KIAA1671: variants seen among roughly 807,000 people sequenced by gnomAD.
KIAA1671 encodes uncharacterized protein KIAA1671.
Under a neutral mutation model 131.2 loss-of-function variants are expected in KIAA1671, and 52 were observed. The observed-to-expected ratio is 0.40, with a 90% CI of 0.32 to 0.50. The LOEUF (loss-of-function observed/expected upper bound fraction) is 0.50, where lower values mean the gene tolerates loss of function less well. KIAA1671 is among the 20% of genes least tolerant of loss of function. The pLI, the probability that KIAA1671 is intolerant of heterozygous loss-of-function variation, is 0.73. For missense variants in KIAA1671, 2,360 were observed against 2,364.2 expected, an observed-to-expected ratio of 1.00 and a Z score of 0.04; for synonymous variants, 1,003 against 961.6, an observed-to-expected ratio of 1.04 and a Z score of -0.80.
In KIAA1671 at chr22:25,195,666, T is replaced by C. The variant is rs901709248; in HGVS notation, c.*3265T>C. The stretch of plus-strand genomic sequence containing the variant: ...GGATTTAGAAAGACCCTTAGCATGA[T>C]TTTCCTAAAAGAGACCTTAGCTGCT... On this transcript the variant is annotated 3_prime_UTR_variant, in exon 13 of 13. Transcript: ENST00000358431. 26 of 152,178 alleles carry C rather than the reference T, an allele frequency of 1.7e-4. No homozygotes were observed. Among genetic ancestry groups the C allele is most frequent in the African/African-American group, 6.0e-4 (25 of 41,442 alleles). 9.4% of individuals were successfully genotyped at this position (152,178 alleles called of 1,614,324 possible).
chr22:25,112,579 T>A (rs543607390), intron 6 of KIAA1671: 2 of 395,060 alleles, frequency 5.1e-6, no homozygotes, highest in East Asian at 7.2e-5. Context: ...TCCAGAATAG[T>A]TGTCAGTCAA....
At chr22:25,109,478 C>T (rs189228508) in intron 6 of KIAA1671, among the ~76,000 whole-genome samples, 2 of 152,240 alleles carry the variant, frequency 1.3e-5, no homozygotes, top group East Asian at 1.9e-4. Context: ...GCTAACCACA[C>T]GGACCAACCT....
At chr22:24,964,703 C>G (rs5760761) in intron 1 of KIAA1671, among the ~76,000 whole-genome samples, 66,340 of 152,024 alleles carry the variant, frequency 0.44, 17,088 homozygotes, top group East Asian at 0.75. Context: ...GATTAAAGGT[C>G]TGAGCCACCA....
intron 6 of KIAA1671, among the ~76,000 whole-genome samples, chr22:25,157,353 G>A (rs759188730): frequency 1.5e-4 from 23 of 151,910 alleles, no homozygotes; most frequent in Non-Finnish European, 2.6e-4. Flanking sequence ...TCCCCCTCAC[G>A]AATGGCAGGG....
chr22:25,059,570 C>T (rs1928043359), intron 6 of KIAA1671: 1 of 152,044 alleles, frequency 6.6e-6, no homozygotes, highest in African/African-American at 2.4e-5. Flanking sequence ...GACAGATGCA[C>T]AACAAACTAA....
chr22:25,181,855 G>GGGCAT (rs1422408414), intron 10 of KIAA1671, 32 bp downstream of exon 10: 4 of 1,547,430 alleles, frequency 2.6e-6, no homozygotes, highest in Non-Finnish European at 3.5e-6. Flanking sequence ...GTCACCTGGT[G>GGGCAT]GGCATGATCC....
chr22:24,976,726 C>G (rs1172963281), intron 1 of KIAA1671, among the ~76,000 whole-genome samples: 1 of 152,208 alleles, frequency 6.6e-6, no homozygotes, highest in Non-Finnish European at 1.5e-5. Flanking sequence ...CTAGCTGAGC[C>G]CATGGGGGAC....
At chr22:25,070,264 C>T in intron 6 of KIAA1671, 1 of 412,230 alleles carries the variant, frequency 2.4e-6, no homozygotes, top group Non-Finnish European at 4.4e-6. Flanking sequence ...TTTATGCCGC[C>T]TTGAACTTGA....
intron 6 of KIAA1671, among the ~76,000 whole-genome samples, chr22:25,162,718 C>G (rs5760886): frequency 0.11 from 16,129 of 152,244 alleles, 927 homozygotes; most frequent in East Asian, 0.16. Context: ...AAAGCAAAAT[C>G]TAGCCGGCTA....
intron 5 of KIAA1671, among the ~76,000 whole-genome samples, chr22:25,046,264 T>C (rs1927219622): frequency 6.6e-6 from 1 of 151,844 alleles, no homozygotes; most frequent in South Asian, 2.1e-4. Context: ...ATCGTGCCAC[T>C]GCACTCCAGC....
At chr22:25,161,641 G>A (rs1200231836) in intron 6 of KIAA1671, among the ~76,000 whole-genome samples, 1 of 152,246 alleles carries the variant, frequency 6.6e-6, no homozygotes, top group Non-Finnish European at 1.5e-5. Context: ...AGGGATGGGA[G>A]CACGTGTGCC....
chr22:25,165,677 G>A (rs1006338559), intron 6 of KIAA1671, among the ~76,000 whole-genome samples: 2 of 152,206 alleles, frequency 1.3e-5, no homozygotes, highest in African/African-American at 4.8e-5. Context: ...AGAGACCTGA[G>A]GTCTAGGGGA....
intron 6 of KIAA1671, among the ~76,000 whole-genome samples, chr22:25,117,658 G>A (rs542787309): frequency 1.3e-5 from 2 of 149,060 alleles, no homozygotes; most frequent in Non-Finnish European, 3.0e-5. Flanking sequence ...TTCAGCAAGT[G>A]GGGGAGAATT....
chr22:24,977,998 C>G (rs1001902440), intron 1 of KIAA1671, among the ~76,000 whole-genome samples: 1 of 152,162 alleles, frequency 6.6e-6, no homozygotes, highest in Non-Finnish European at 1.5e-5. Context: ...ATGGCCACCA[C>G]CACCGTAATC....
intron 1 of KIAA1671, chr22:25,023,394 A>G (rs1351456568): frequency 1.3e-5 from 2 of 152,120 alleles, no homozygotes; most frequent in Non-Finnish European, 2.9e-5. Flanking sequence ...TAAAATAAAT[A>G]AAAAATAGTG....
At chr22:25,044,175 G>A (rs1321619346) in intron 5 of KIAA1671, among the ~76,000 whole-genome samples, 1 of 152,250 alleles carries the variant, frequency 6.6e-6, no homozygotes, top group African/African-American at 2.4e-5. Flanking sequence ...CTTGCCTGCT[G>A]TGTGTAAAGC....
intron 1 of KIAA1671, among the ~76,000 whole-genome samples, chr22:24,987,617 C>T (rs1923622827): frequency 6.6e-6 from 1 of 152,150 alleles, no homozygotes; most frequent in South Asian, 2.1e-4. Flanking sequence ...ACTACAGGCA[C>T]ATGCCACCAC....
intron 1 of KIAA1671, among the ~76,000 whole-genome samples, chr22:24,984,679 C>T (rs151067504): frequency 4.6e-5 from 7 of 152,014 alleles, no homozygotes; most frequent in East Asian, 1.9e-4. Flanking sequence ...TTTGGGAGGC[C>T]GAGGTGGGCG....
At chr22:25,047,679 G>A (rs1159809178) in intron 5 of KIAA1671, among the ~76,000 whole-genome samples, 1 of 151,860 alleles carries the variant, frequency 6.6e-6, no homozygotes, top group Non-Finnish European at 1.5e-5. Context: ...CACCATGTTG[G>A]CGAGGCTGGT....
Sources: allele counts gnomAD v4.1 joint callset (sites outside exome capture counted in the v4.1 genomes callset), GRCh38; gene constraint gnomAD v4.1.1; transcripts MANE v1.5; gene names NCBI Gene and HGNC (gene_info 2026-07-23, HGNC 2026-07-21).